MEF2C: variants seen among roughly 807,000 people sequenced by gnomAD.
The protein encoded by MEF2C is myocyte enhancer factor 2C, also known as myocyte-specific enhancer factor 2C.
In MEF2C, 6 loss-of-function variants were observed where a neutral mutation model predicts 50.5. The ratio of observed to expected loss-of-function variants is 0.12; its 90% CI spans 0.07 to 0.23. MEF2C has a LOEUF of 0.23. Ranked by LOEUF, MEF2C falls within the 10% of genes least tolerant of loss-of-function variation. The pLI is 1.00. For synonymous variants in MEF2C, 183 were observed against 228.0 expected (o/e 0.80, Z 1.78); for missense variants, 276 against 605.0 (o/e 0.46, Z 5.70).
At chr5:88,817,657 A>AGT (rs983848128) in intron 2 of MEF2C, 2 of 151,998 alleles carry the variant, frequency 1.3e-5, no homozygotes, top group African/African-American at 4.8e-5. Flanking sequence ...AAAAACTATT[A>AGT]GTGTGCCAGA....
Position 88,749,151 on chromosome 5 carries a change from G to A in MEF2C, c.590-34C>T, listed in dbSNP as rs982612520. The A allele has an allele frequency of 5.8e-6, 9 of 1,541,548 alleles. No individual in the cohort carries two copies. The African/African-American group carries it at 1.1e-4, about 19-fold the overall frequency. ...TAAAGAGGAAGATCAAAACGAGAAA[G>A]GCTAAAGGCCCACAGAACAAAACAC... On this transcript the variant is annotated intron_variant, in intron 5 of 10. Coordinates refer to ENST00000504921, the MANE Select transcript of MEF2C (RefSeq NM_002397.5).
rs1358798920 is a variant in MEF2C, at chr5:88,728,644, AAAC to A, written c.965-19_965-17del. 4.4e-6 allele frequency: 6 copies of A among 1,363,884 alleles called. No homozygotes were observed. Among genetic ancestry groups the A allele is most frequent in the East Asian group, 5.7e-5 (2 of 34,920 alleles). 84.5% of individuals were successfully genotyped at this position (1,363,884 alleles called of 1,614,324 possible). On this transcript the variant is annotated splice_polypyrimidine_tract_variant and intron_variant, in intron 9 of 10. Coordinates refer to ENST00000504921, the MANE Select transcript of MEF2C (RefSeq NM_002397.5). ...AGAGAGTACTCTAGATTAAAGAATA[AAAC>A]AACAAGGGAAAATATTAAATTTAGA... is the stretch of plus-strand genomic sequence containing the variant.
rs80114504 is a variant in MEF2C at position 88,890,636 on chromosome 5, A to G, written c.-239-3038T>C. On this transcript the variant is annotated intron_variant, in intron 1 of 11. Transcript: ENST00000340208. Reference sequence around the variant, plus strand: ...AAGTTCTGCTGGAGAATACTGCTATAGAGTTCAAAATGAATGCTGGTTAAA... The same window carrying G: ...AAGTTCTGCTGGAGAATACTGCTATGGAGTTCAAAATGAATGCTGGTTAAA... 2.8e-3 allele frequency among the ~76,000 whole-genome samples: 420 copies of G among 152,330 alleles called. 10 individuals carry two copies. In the East Asian group the frequency reaches 0.058, roughly 21 times the overall value.
At chr5:88,747,027 T>C (rs1416285050) in intron 6 of MEF2C, among the ~76,000 whole-genome samples, 4 of 152,222 alleles carry the variant, frequency 2.6e-5, no homozygotes, top group Non-Finnish European at 4.4e-5. Context: ...CTCATACCTA[T>C]GGTAGAGGTC....
chr5:88,803,391 T>C (rs1019937038), intron 3 of MEF2C, among the ~76,000 whole-genome samples: 10 of 152,186 alleles, frequency 6.6e-5, no homozygotes, highest in African/African-American at 9.6e-5. Flanking sequence ...TCTTAGACAA[T>C]TGTAACAGGT....
At chr5:88,749,210 T>TG in intron 5 of MEF2C, 93 bp from the exon 6 acceptor site, 1 of 1,356,340 alleles carries the variant, frequency 7.4e-7, no homozygotes, top group South Asian at 1.7e-5. Context: ...TTTGTCCTCT[T>TG]GCAATAGTCA....
intron 6 of MEF2C, chr5:88,737,385 ATCAT>A (rs1764561561): frequency 1.0e-6 from 1 of 985,300 alleles, no homozygotes; most frequent in Non-Finnish European, 1.2e-6. Flanking sequence ...GCACCTGTTA[ATCAT>A]TTCACAGCAC....
At chr5:88,776,263 G>A (rs530010925) in intron 3 of MEF2C, among the ~76,000 whole-genome samples, 2 of 152,124 alleles carry the variant, frequency 1.3e-5, no homozygotes, top group Non-Finnish European at 2.9e-5. Flanking sequence ...ATGGTATAAT[G>A]TGCCATTTTG....
chr5:88,839,426 A>G (rs1322325536), intron 1 of MEF2C: 1 of 151,982 alleles, frequency 6.6e-6, no homozygotes, highest in Admixed American at 6.6e-5. Flanking sequence ...TTGATGGTGC[A>G]AAGCGAATGC....
chr5:88,731,691 C>A lies in MEF2C; in HGVS notation c.810+38G>T, dbSNP rs780159674. Reference sequence around the variant, plus strand: ...TAAAAACAGCAAAACATATACAAAACATTATCAATATTTATTTAAAATGTA... The same window carrying A: ...TAAAAACAGCAAAACATATACAAAAAATTATCAATATTTATTTAAAATGTA... On this transcript the variant is annotated intron_variant, in intron 7 of 10. Coordinates refer to ENST00000504921, the MANE Select transcript of MEF2C (RefSeq NM_002397.5). 22 of 1,563,734 alleles carry A rather than the reference C, an allele frequency of 1.4e-5. No homozygotes were observed. The African/African-American group carries it at 1.6e-4, about 12-fold the overall frequency.
chr5:88,889,945 G>A (rs1361219244), intron 1 of MEF2C, among the ~76,000 whole-genome samples: 1 of 152,142 alleles, frequency 6.6e-6, no homozygotes, highest in Non-Finnish European at 1.5e-5. Flanking sequence ...GGTGACGCAG[G>A]CTGCCCGAAG....
At chr5:88,812,440 T>A (rs1442274213) in intron 2 of MEF2C, among the ~76,000 whole-genome samples, 1 of 152,186 alleles carries the variant, frequency 6.6e-6, no homozygotes, top group Non-Finnish European at 1.5e-5. Flanking sequence ...TGTTTTATTT[T>A]ATTTTTTTGT....
At chr5:88,724,431 C>T (rs1443450476) in intron 10 of MEF2C, among the ~76,000 whole-genome samples, 1 of 152,038 alleles carries the variant, frequency 6.6e-6, no homozygotes, top group Admixed American at 6.6e-5. Context: ...CTTTCCTTCT[C>T]CTATTAATAA....
intron 10 of MEF2C, among the ~76,000 whole-genome samples, chr5:88,724,111 C>T (rs1433350840): frequency 6.6e-6 from 1 of 152,068 alleles, no homozygotes; most frequent in Non-Finnish European, 1.5e-5. Flanking sequence ...CTCTCTTTTA[C>T]TGAGGAAGAA....
At chr5:88,733,404 TG>T in intron 6 of MEF2C, 1 of 985,200 alleles carries the variant, frequency 1.0e-6, no homozygotes, top group Non-Finnish European at 1.2e-6. Context: ...GTTTATATGG[TG>T]GAAATGAAAG....
chr5:88,761,383 CA>C, intron 3 of MEF2C, 55 bp from the exon 4 acceptor site: 1 of 1,557,970 alleles, frequency 6.4e-7, no homozygotes, highest in South Asian at 1.2e-5. Flanking sequence ...AAGAGACATT[CA>C]GGGGCATTAA....
intron 10 of MEF2C, among the ~76,000 whole-genome samples, chr5:88,724,573 CTG>C (rs1392682873): frequency 6.6e-6 from 1 of 152,070 alleles, no homozygotes; most frequent in Admixed American, 6.5e-5. Context: ...ACTACACTGA[CTG>C]TATATAATTT....
intron 1 of MEF2C, among the ~76,000 whole-genome samples, chr5:88,872,532 T>C (rs1002108248): frequency 7.9e-5 from 12 of 152,050 alleles, no homozygotes; most frequent in Non-Finnish European, 1.5e-4. Context: ...CTGAAAGTAT[T>C]ATTGAAAAAT....
chr5:88,751,517 G>A (rs1772731079), intron 5 of MEF2C: 1 of 985,426 alleles, frequency 1.0e-6, no homozygotes, highest in Non-Finnish European at 1.2e-6. Context: ...CCAGGAGGAA[G>A]AGGGAAAATG....
Sources: gnomAD v4.1 joint callset for allele counts (sites outside exome capture counted in the v4.1 genomes callset) on GRCh38, gnomAD v4.1.1 for gene constraint, MANE v1.5 for transcripts, NCBI Gene and HGNC (gene_info 2026-07-23, HGNC 2026-07-21) for gene names.